DYRK1A: variants seen among roughly 807,000 people sequenced by gnomAD.
DYRK1A encodes the protein dual specificity tyrosine phosphorylation regulated kinase 1A.
DYRK1A carries 9 observed loss-of-function variants against 79.7 expected under a neutral mutation model. The ratio of observed to expected loss-of-function variants is 0.11; its 90% CI spans 0.07 to 0.20. The LOEUF (loss-of-function observed/expected upper bound fraction) is 0.20. Ranked by LOEUF, DYRK1A falls within the 10% of genes least tolerant of loss-of-function variation. The probability of loss-of-function intolerance (pLI) is 1.00; values close to 1 mark genes in which losing one functional copy is unlikely to be tolerated. For synonymous variants in DYRK1A, 349 were observed against 329.7 expected, an observed-to-expected ratio of 1.06 and a Z score of -0.63; for missense variants, 622 against 956.0, an observed-to-expected ratio of 0.65 and a Z score of 4.61.
chr21:37,429,028 C>A (rs2050704168), intron 2 of DYRK1A: 1 of 151,988 alleles, frequency 6.6e-6, no homozygotes, highest in Non-Finnish European at 1.5e-5. Flanking sequence ...CTCTGTATTC[C>A]TTAGTCTTTT....
intron 5 of DYRK1A, among the ~76,000 whole-genome samples, chr21:37,482,532 G>A (rs2052686357): frequency 6.6e-6 from 1 of 152,140 alleles, no homozygotes; most frequent in Admixed American, 6.5e-5. Context: ...AAGGCAAATG[G>A]AGGCAGGGCG....
chr21:37,513,701 T>C lies in DYRK1A; in HGVS notation c.*1170T>C, dbSNP rs1228605731. 1 of 152,694 alleles carries C rather than the reference T, an allele frequency of 6.5e-6. No homozygotes were observed. The highest frequency in any genetic ancestry group is 1.9e-4 in the East Asian group (1 of 5,200). The allele number at this position is 152,694 out of a possible 1,614,324, so 9.5% of individuals were successfully genotyped here. On this transcript the variant is annotated 3_prime_UTR_variant, in exon 12 of 12. Transcript: ENST00000647188. The stretch of plus-strand genomic sequence containing the variant: ...CTCCACCATTTCTTCTGCACAAAGA[T>C]GTCTTCTGTTCATCCTGAACATTTT...
chr21:37,394,492 C>A (rs1350147014), intron 1 of DYRK1A, among the ~76,000 whole-genome samples: 1 of 152,104 alleles, frequency 6.6e-6, no homozygotes, highest in African/African-American at 2.4e-5. Flanking sequence ...GCCACTGGGC[C>A]GTGGACCGGT....
chr21:37,371,936 T>G (rs1685235427), intron 1 of DYRK1A, among the ~76,000 whole-genome samples: 1 of 152,156 alleles, frequency 6.6e-6, no homozygotes. Context: ...GATTTTTTAA[T>G]TTTTAAAAAA....
chr21:37,395,697 T>C (rs1479418915), intron 1 of DYRK1A, among the ~76,000 whole-genome samples: 1 of 152,180 alleles, frequency 6.6e-6, no homozygotes, highest in Non-Finnish European at 1.5e-5. Flanking sequence ...TTTGGAAACC[T>C]TAGGATGTGA....
At chr21:37,374,983 C>T (rs2049508398) in intron 1 of DYRK1A, 1 of 152,204 alleles carries the variant, frequency 6.6e-6, no homozygotes, top group African/African-American at 2.4e-5. Flanking sequence ...CTAATCAGTG[C>T]CTCAGAATAA....
rs1555984071 is a variant in DYRK1A, at chr21:37,490,178, A to G, written c.641A>G (p.His214Arg). The part of the protein sequence containing the change: ...HDTEMKYYIV[H>R]LKRHFMFRNH... Reference sequence around the variant, plus strand: ...ATGAAACTGTTTTCTCTTTCAGTGCATTTGAAACGCCACTTTATGTTTCGA... The same window carrying G: ...ATGAAACTGTTTTCTCTTTCAGTGCGTTTGAAACGCCACTTTATGTTTCGA... The change falls in exon 7 of 12, where the codon CAT becomes CGT. Residue 214 changes from histidine to arginine, a missense_variant. Coordinates refer to ENST00000647188, the MANE Select transcript of DYRK1A (RefSeq NM_001347721.2). 12 of 1,611,316 alleles carry G rather than the reference A, an allele frequency of 7.4e-6. No individual in the cohort carries two copies. The highest frequency in any genetic ancestry group is 7.6e-6 in the Non-Finnish European group (9 of 1,178,176).
rs760995964 is a variant in DYRK1A at position 37,382,701 on chromosome 21, T to TA, written c.-77+15074dup. Among the ~76,000 whole-genome samples the TA allele has an allele frequency of 8.0e-4, 122 of 152,198 alleles. 1 individual carries two copies. The highest frequency in any genetic ancestry group is 1.4e-3 in the Non-Finnish European group (98 of 68,034). ...GTAACAATAGCTACTATTAATCAGTTACCTGCAGCAGACCAGCCACTGGCC... is the reference window on the plus strand; with the variant it reads ...GTAACAATAGCTACTATTAATCAGTTAACCTGCAGCAGACCAGCCACTGGCC... On this transcript the variant is annotated intron_variant, in intron 1 of 11. Coordinates refer to ENST00000647188, the MANE Select transcript of DYRK1A (RefSeq NM_001347721.2).
At chr21:37,379,239 T>G (rs2049608791) in intron 1 of DYRK1A, among the ~76,000 whole-genome samples, 1 of 151,674 alleles carries the variant, frequency 6.6e-6, no homozygotes, top group African/African-American at 2.4e-5. Context: ...GAAGGAGGGT[T>G]TGGAAGGCAG....
chr21:37,488,275 T>G, intron 6 of DYRK1A: 2 of 916,096 alleles, frequency 2.2e-6, no homozygotes, highest in Non-Finnish European at 2.6e-6. Context: ...CTCAAGAAAC[T>G]GAGATTCTGT....
In DYRK1A at chr21:37,514,511, C is replaced by G. The variant is rs1231838827; in HGVS notation, c.*1980C>G. 6.6e-6 allele frequency: 1 copy of G among 152,612 alleles called. No individual in the cohort carries two copies. Among genetic ancestry groups the G allele is most frequent in the Non-Finnish European group, 1.5e-5 (1 of 68,040 alleles). 9.5% of individuals were successfully genotyped at this position (152,612 alleles called of 1,614,324 possible). A position where few individuals can be genotyped will look rare whatever the true frequency, so the allele number is the denominator to read the frequency against. On this transcript the variant is annotated 3_prime_UTR_variant, in exon 12 of 12. Transcript: ENST00000647188. ...CATTCTATTGGTCAATTCCATGTGG[C>G]TGACTAGGTCAATTTTTTTTCTGAA...
intron 2 of DYRK1A, among the ~76,000 whole-genome samples, chr21:37,448,694 T>G (rs771491427): frequency 6.2e-4 from 95 of 152,212 alleles, no homozygotes; most frequent in Non-Finnish European, 1.3e-3. Context: ...TTAAAATTTT[T>G]TTTGTTTGTT....
At chr21:37,392,722 C>G (rs562064092) in intron 1 of DYRK1A, among the ~76,000 whole-genome samples, 2 of 152,340 alleles carry the variant, frequency 1.3e-5, no homozygotes, top group African/African-American at 4.8e-5. Flanking sequence ...CACCAGTATT[C>G]AGACTGGTCA....
chr21:37,473,313 A>C (rs1161909656), intron 3 of DYRK1A, among the ~76,000 whole-genome samples: 4 of 152,200 alleles, frequency 2.6e-5, no homozygotes, highest in Non-Finnish European at 5.9e-5. Context: ...CTAAAATTCA[A>C]AAGAGATGTA....
chr21:37,443,641 G>A (rs2148483814), intron 2 of DYRK1A, among the ~76,000 whole-genome samples: 1 of 152,294 alleles, frequency 6.6e-6, no homozygotes, highest in East Asian at 1.9e-4. Context: ...GAGCAGTGTA[G>A]TCCTGTGTAG....
Position 37,390,403 on chromosome 21 carries a change from T to G in DYRK1A, c.-77+22775T>G, listed in dbSNP as rs529286649. The stretch of plus-strand genomic sequence containing the variant: ...TGCATTTTTCCTACAAACAAGGGCA[T>G]TCTCTTACATAACAGCAATACAGCC... On this transcript the variant is annotated intron_variant, in intron 1 of 11. Coordinates refer to ENST00000647188, the MANE Select transcript of DYRK1A (RefSeq NM_001347721.2). Among the ~76,000 whole-genome samples the G allele has an allele frequency of 2.0e-5, 3 of 152,336 alleles. No homozygotes were observed. The East Asian group carries it at 5.8e-4, about 29-fold the overall frequency.
intron 9 of DYRK1A, chr21:37,504,504 G>GT (rs1217450168): frequency 6.6e-6 from 1 of 152,142 alleles, no homozygotes; most frequent in Non-Finnish European, 1.5e-5. Context: ...AAAAGGCAGT[G>GT]ATTTTATGAC....
At chr21:37,370,378 AT>A (rs1478351671) in intron 1 of DYRK1A, among the ~76,000 whole-genome samples, 1 of 151,564 alleles carries the variant, frequency 6.6e-6, no homozygotes, top group African/African-American at 2.4e-5. Context: ...GTATCTAGTT[AT>A]GAGAAGAAAA....
In DYRK1A at chr21:37,479,689, G is replaced by A. The variant is rs753617925; in HGVS notation, c.301-949G>A. Among the ~76,000 whole-genome samples the A allele has an allele frequency of 4.7e-4, 66 of 141,118 alleles. 1 individual carries two copies. Among genetic ancestry groups the A allele is most frequent in the East Asian group, 2.2e-3 (10 of 4,532 alleles). The allele number at this position is 141,118 out of a possible 152,430, so 92.6% of individuals were successfully genotyped here. A position where few individuals can be genotyped will look rare whatever the true frequency, so the allele number is the denominator to read the frequency against. ...GGCTGCCAGCCTGGAGTGCAGTGGC[G>A]CGATCTCGGCTCACCGCAACCTCCG... On this transcript the variant is annotated intron_variant, in intron 4 of 11. Coordinates refer to ENST00000647188, the MANE Select transcript of DYRK1A (RefSeq NM_001347721.2).
Sources: allele counts gnomAD v4.1 joint callset (sites outside exome capture counted in the v4.1 genomes callset), GRCh38; gene constraint gnomAD v4.1.1; transcripts MANE v1.5; gene names NCBI Gene and HGNC (gene_info 2026-07-23, HGNC 2026-07-21).